LINGO1: variants seen among roughly 807,000 people sequenced by gnomAD.
The protein encoded by LINGO1 is leucine-rich repeat and immunoglobulin-like domain-containing nogo receptor-interacting protein 1.
In LINGO1, 11 loss-of-function variants were observed where a neutral mutation model predicts 37.3. The observed-to-expected ratio is 0.29, with a 90% CI of 0.19 to 0.49. The LOEUF (loss-of-function observed/expected upper bound fraction) is 0.49. LINGO1 is among the 20% of genes least tolerant of loss of function. LINGO1 has a pLI of 0.99. For synonymous variants in LINGO1, 387 were observed against 403.0 expected (o/e 0.96, Z 0.48); for missense variants, 585 against 878.2 (o/e 0.67, Z 4.22).
At chr15:77,706,103 T>C (rs1301902201) in intron 2 of LINGO1, among the ~76,000 whole-genome samples, 1 of 152,188 alleles carries the variant, frequency 6.6e-6, no homozygotes, top group Non-Finnish European at 1.5e-5. Context: ...ACTAAGATCC[T>C]GATATCCTCA....
chr15:77,756,131 C>G (rs569054811), intron 1 of LINGO1, among the ~76,000 whole-genome samples: 2 of 152,300 alleles, frequency 1.3e-5, no homozygotes, highest in South Asian at 4.1e-4. Flanking sequence ...CAGGTACACG[C>G]AGAAGGGCCA....
Position 77,632,383 on chromosome 15 carries a change from G to A in LINGO1, c.-68C>T. On this transcript the variant is annotated 5_prime_UTR_variant, in exon 1 of 2. Coordinates refer to ENST00000355300, the MANE Select transcript of LINGO1 (RefSeq NM_032808.7). The surrounding 1 kb of genome is among the most constrained non-coding windows in gnomAD (Gnocchi z 6.0). ...ATGTCTCTCCAGCCGGCCCGACCAG[G>A]CCCCAGCCCCTGCCCAGCCCCCTCC... The A allele has an allele frequency of 7.5e-7, 1 of 1,331,974 alleles. No individual in the cohort carries two copies. Among genetic ancestry groups the A allele is most frequent in the South Asian group, 1.9e-5 (1 of 52,652 alleles). The allele number at this position is 1,331,974 out of a possible 1,614,324, so 82.5% of individuals were successfully genotyped here.
intron 2 of LINGO1, among the ~76,000 whole-genome samples, chr15:77,709,695 C>T (rs768771330): frequency 5.3e-5 from 8 of 152,212 alleles, no homozygotes; most frequent in African/African-American, 7.2e-5. Context: ...TTTCCAGTGG[C>T]GCTGCAGGCC....
chr15:77,793,382 C>A (rs1368707085), intron 2 of LINGO1, among the ~76,000 whole-genome samples: 1 of 152,194 alleles, frequency 6.6e-6, no homozygotes, highest in African/African-American at 2.4e-5. Flanking sequence ...CAAGGACAAA[C>A]CTGAGCTTCC....
upstream of LINGO1, among the ~76,000 whole-genome samples, chr15:77,790,685 CT>C (rs1042985783): frequency 1.3e-5 from 2 of 152,188 alleles, no homozygotes; most frequent in African/African-American, 4.8e-5. Flanking sequence ...CCACCACGTG[CT>C]GGGCCCCCCG....
At chr15:77,754,214 A>T (rs1411034700) in intron 1 of LINGO1, among the ~76,000 whole-genome samples, 1 of 145,560 alleles carries the variant, frequency 6.9e-6, no homozygotes, top group East Asian at 2.2e-4. Context: ...AGAGGGAAGA[A>T]GGGAAGGAAA....
rs2271396 is a variant in LINGO1, at chr15:77,615,193, C to G, written c.714G>C (p.Leu238=). 0.64 allele frequency: 1,039,011 copies of G among 1,613,362 alleles called. 336,823 individuals are homozygous for G. Among genetic ancestry groups the G allele is most frequent in the East Asian group, 0.79 (35,590 of 44,836 alleles). Reference sequence around the variant, plus strand: ...AGATCTCCAAGACCTTGAGTCGGTACAGCCTCTTGAAGGAGTAGTCCCGGA... The same window carrying G: ...AGATCTCCAAGACCTTGAGTCGGTAGAGCCTCTTGAAGGAGTAGTCCCGGA... The part of the protein sequence containing the change: ...NAIRDYSFKR[L]YRLKVLEISH... The change falls in exon 2 of 2, where the codon CTG becomes CTC. Residue 238 remains leucine (L), a synonymous_variant. Transcript: ENST00000355300.
In LINGO1 at chr15:77,767,982, C is replaced by T. The variant is rs559008607; in HGVS notation, c.-257+18887G>A. On this transcript the variant is annotated intron_variant, in intron 1 of 3. Coordinates refer to the LINGO1 transcript ENST00000561686. The stretch of plus-strand genomic sequence containing the variant: ...GGGAAGTAAACACTCAAACAATCCA[C>T]AAAAATTGTTGGAAGAGGTTGCTCC... Among the ~76,000 whole-genome samples the T allele has an allele frequency of 9.8e-5, 15 of 152,322 alleles. No individual in the cohort carries two copies. In the South Asian group the frequency reaches 1.5e-3, roughly 15 times the overall value.
intron 3 of LINGO1, among the ~76,000 whole-genome samples, chr15:77,645,508 C>T (rs935435216): frequency 2.6e-5 from 4 of 152,080 alleles, no homozygotes; most frequent in Non-Finnish European, 5.9e-5. Context: ...TGGACGTGCA[C>T]GCCTCATGGC....
rs749055760 is a variant in LINGO1, at chr15:77,615,686, C to T, written c.221G>A (p.Arg74His). The T allele has an allele frequency of 4.4e-6, 7 of 1,594,398 alleles. No individual in the cohort carries two copies. The highest frequency in any genetic ancestry group is 2.7e-5 in the African/African-American group (2 of 73,976). ...AVPEGIPTET[R>H]LLDLGKNRIK... ...GCGGTTCTTGCCTAGGTCCAGCAGG[C>T]GCGTCTCGGTGGGGATGCCCTCGGG... Residue 74 changes from arginine (R) to histidine (H), a missense_variant, in exon 2 of 2, where the codon CGC becomes CAC. By Grantham distance (29) the Arg-to-His change is conservative (BLOSUM62 0). This residue lies in a region of LINGO1 where 484 missense variants were observed against 735.0 expected (regional missense o/e 0.66). Coordinates refer to ENST00000355300, the MANE Select transcript of LINGO1 (RefSeq NM_032808.7).
chr15:77,623,569 T>A (rs1417979946), intron 1 of LINGO1, among the ~76,000 whole-genome samples: 1 of 152,180 alleles, frequency 6.6e-6, no homozygotes, highest in African/African-American at 2.4e-5. Flanking sequence ...GTTGCAGTCC[T>A]GCGCCCAGGC....
At chr15:77,783,754 G>T (rs549700433) in intron 1 of LINGO1, among the ~76,000 whole-genome samples, 1 of 152,336 alleles carries the variant, frequency 6.6e-6, no homozygotes, top group African/African-American at 2.4e-5. Context: ...TGTGGGAGTT[G>T]CCTGGAGTCC....
intron 3 of LINGO1, among the ~76,000 whole-genome samples, chr15:77,674,727 G>A (rs1336107496): frequency 6.6e-6 from 1 of 151,780 alleles, no homozygotes; most frequent in African/African-American, 2.4e-5. Flanking sequence ...CTTCCATGAC[G>A]ACCATGTCCA....
chr15:77,807,013 C>T (rs1004142934), intron 1 of LINGO1, among the ~76,000 whole-genome samples: 1 of 152,238 alleles, frequency 6.6e-6, no homozygotes. Flanking sequence ...TCAGGCCCAT[C>T]TGGGCAGCCT....
intron 1 of LINGO1, among the ~76,000 whole-genome samples, chr15:77,738,897 T>C (rs1386800294): frequency 6.6e-6 from 1 of 152,142 alleles, no homozygotes; most frequent in East Asian, 1.9e-4. Context: ...CTGCCTCCCA[T>C]ATGAAGAAGC....
At chr15:77,774,223 G>A (rs912923770) in intron 1 of LINGO1, among the ~76,000 whole-genome samples, 10 of 152,076 alleles carry the variant, frequency 6.6e-5, no homozygotes, top group Admixed American at 1.3e-4. Flanking sequence ...ATCCACAGGT[G>A]AGCGGGGGAA....
intron 2 of LINGO1, among the ~76,000 whole-genome samples, chr15:77,689,815 C>CA (rs750513361): frequency 4.0e-5 from 6 of 151,764 alleles, no homozygotes; most frequent in South Asian, 4.2e-4. Flanking sequence ...CTTCTAAGTT[C>CA]AAAAAAAAGA....
chr15:77,765,655 T>C (rs2141391433), intron 1 of LINGO1, among the ~76,000 whole-genome samples: 1 of 152,184 alleles, frequency 6.6e-6, no homozygotes, highest in Non-Finnish European at 1.5e-5. Flanking sequence ...GTCTCTGGCC[T>C]GGAAGGCACC....
At chr15:77,710,822 C>T (rs541402547) in intron 2 of LINGO1, among the ~76,000 whole-genome samples, 1 of 152,362 alleles carries the variant, frequency 6.6e-6, no homozygotes, top group South Asian at 2.1e-4. Flanking sequence ...CGCCAGGCCC[C>T]CAGATTGCAG....
Sources: gnomAD v4.1 joint callset for allele counts (sites outside exome capture counted in the v4.1 genomes callset) on GRCh38, gnomAD v4.1.1 for gene constraint, gnomAD v4.1.1 regional missense constraint, Gnocchi (gnomAD v3.1) non-coding constraint, MANE v1.5 for transcripts, NCBI Gene and HGNC (gene_info 2026-07-23, HGNC 2026-07-21) for gene names.